SH3RF3: variants seen among roughly 807,000 people sequenced by gnomAD.
SH3RF3 encodes the protein E3 ubiquitin-protein ligase SH3RF3.
A neutral mutation model predicts 66.3 loss-of-function variants in SH3RF3; 29 were observed. That is an observed-to-expected ratio of 0.44 (90% CI 0.33 to 0.60). The LOEUF (loss-of-function observed/expected upper bound fraction) is 0.60, where lower values mean the gene tolerates loss of function less well. Among genes scored for constraint, SH3RF3 ranks in the 20% least tolerant of loss-of-function variants. The pLI is 0.04. For missense variants in SH3RF3, 1,194 were observed against 1,190.9 expected, an observed-to-expected ratio of 1.00 and a Z score of -0.04; for synonymous variants, 583 against 532.0, an observed-to-expected ratio of 1.10 and a Z score of -1.32.
At chr2:109,250,259 G>T (rs1362111591) in intron 1 of SH3RF3, among the ~76,000 whole-genome samples, 1 of 152,072 alleles carries the variant, frequency 6.6e-6, no homozygotes, top group Admixed American at 6.6e-5. Context: ...AGAATGTTTA[G>T]AACTTTGGAA....
At chr2:109,306,906 C>T (rs946798360) in intron 1 of SH3RF3, among the ~76,000 whole-genome samples, 4 of 152,140 alleles carry the variant, frequency 2.6e-5, no homozygotes, top group Admixed American at 6.5e-5. Context: ...GGTAGGGCCG[C>T]GGCATGCATG....
chr2:109,313,943 T>G (rs1681801881), intron 1 of SH3RF3, among the ~76,000 whole-genome samples: 1 of 152,114 alleles, frequency 6.6e-6, no homozygotes, highest in African/African-American at 2.4e-5. Context: ...GTGTTTGGAC[T>G]TTGTTTTGTA....
chr2:109,185,602 G>T (rs935454938), intron 1 of SH3RF3, among the ~76,000 whole-genome samples: 2 of 152,096 alleles, frequency 1.3e-5, no homozygotes, highest in Non-Finnish European at 2.9e-5. Flanking sequence ...TGCCTTTGGG[G>T]TTGGCAGAGA....
At chr2:109,496,461 A>T (rs1169448743) in intron 9 of SH3RF3, among the ~76,000 whole-genome samples, 1 of 152,248 alleles carries the variant, frequency 6.6e-6, no homozygotes, top group African/African-American at 2.4e-5. Flanking sequence ...CAGGAAGTCC[A>T]GCTGGCTTCA....
intron 3 of SH3RF3, among the ~76,000 whole-genome samples, 195 bp downstream of exon 3, chr2:109,371,876 A>C (rs920909406): frequency 6.6e-6 from 1 of 152,166 alleles, no homozygotes; most frequent in African/African-American, 2.4e-5. Context: ...TGCCTTGGCC[A>C]GTTTTGAGTG....
chr2:109,296,083 T>G (rs1159239079), intron 1 of SH3RF3, among the ~76,000 whole-genome samples: 2 of 152,102 alleles, frequency 1.3e-5, no homozygotes, highest in Admixed American at 6.5e-5. Context: ...CCAGCCAGGT[T>G]GGCCCCCCAG....
chr2:109,453,360 A>T (rs1430001202), intron 8 of SH3RF3, among the ~76,000 whole-genome samples: 1 of 152,238 alleles, frequency 6.6e-6, no homozygotes, highest in Non-Finnish European at 1.5e-5. Context: ...TCAGGATTTA[A>T]GTTATCCTTT....
At chr2:109,467,746 G>A (rs1056297833) in intron 8 of SH3RF3, among the ~76,000 whole-genome samples, 2 of 152,218 alleles carry the variant, frequency 1.3e-5, no homozygotes, top group African/African-American at 4.8e-5. Context: ...GCTCCTCTCT[G>A]ATTTAATCCC....
chr2:109,282,478 C>A (rs1370623739), intron 1 of SH3RF3, among the ~76,000 whole-genome samples: 1 of 152,124 alleles, frequency 6.6e-6, no homozygotes, highest in Non-Finnish European at 1.5e-5. Flanking sequence ...TGCAGGAAGG[C>A]CCGAGGGTCA....
intron 1 of SH3RF3, among the ~76,000 whole-genome samples, chr2:109,218,138 T>C (rs1170390207): frequency 7.3e-6 from 1 of 136,744 alleles, no homozygotes; most frequent in Admixed American, 7.5e-5. Flanking sequence ...CATTGTCCTC[T>C]CCTTTTCTGT....
In SH3RF3 at chr2:109,494,533, A is replaced by G. The variant is rs1297139486; in HGVS notation, c.2480+3597A>G. Reference sequence around the variant, plus strand: ...GAGCACTTGGACTTGGGCCCTGCAGACTTGTGAGTAAAACTTACTTCCAGG... The same window carrying G: ...GAGCACTTGGACTTGGGCCCTGCAGGCTTGTGAGTAAAACTTACTTCCAGG... On this transcript the variant is annotated intron_variant, in intron 9 of 9. Transcript: ENST00000309415. 9.9e-5 allele frequency among the ~76,000 whole-genome samples: 15 copies of G among 152,280 alleles called. No homozygotes were observed. The East Asian group carries it at 2.9e-3, about 30-fold the overall frequency.
chr2:109,196,017 C>T (rs374476982), intron 1 of SH3RF3, among the ~76,000 whole-genome samples: 7 of 152,354 alleles, frequency 4.6e-5, no homozygotes, highest in Middle Eastern at 3.4e-3. Flanking sequence ...CAAATCTGTA[C>T]GCACACCTGT....
Position 109,138,324 on chromosome 2 carries a change from G to A in SH3RF3, c.573+8211G>A, listed in dbSNP as rs1197132239. Among the ~76,000 whole-genome samples, 12 of 152,334 alleles carry A rather than the reference G, an allele frequency of 7.9e-5. No individual in the cohort carries two copies. The East Asian group carries it at 2.1e-3, about 27-fold the overall frequency. On this transcript the variant is annotated intron_variant, in intron 1 of 9. Transcript: ENST00000309415. ...TTACAGGTGTCAGCCACTTCGCCTGGCCTCTCAGATAGAAATTTCTAAAAA... is the reference window on the plus strand; with the variant it reads ...TTACAGGTGTCAGCCACTTCGCCTGACCTCTCAGATAGAAATTTCTAAAAA...
At chr2:109,456,077 C>T (rs1392817533) in intron 8 of SH3RF3, among the ~76,000 whole-genome samples, 3 of 152,358 alleles carry the variant, frequency 2.0e-5, no homozygotes, top group Middle Eastern at 6.8e-3. Context: ...CATCGCTGGG[C>T]TCCCAGGCCC....
At chr2:109,392,126 T>C (rs1354601812) in intron 3 of SH3RF3, among the ~76,000 whole-genome samples, 1 of 152,250 alleles carries the variant, frequency 6.6e-6, no homozygotes, top group African/African-American at 2.4e-5. Context: ...CAAAAAGGCC[T>C]GATTTTTAAA....
intron 1 of SH3RF3, 35 bp downstream of exon 1, chr2:109,130,148 CG>C: frequency 7.8e-7 from 1 of 1,276,462 alleles, no homozygotes; most frequent in Non-Finnish European, 9.9e-7. Context: ...GGCCACGGCA[CG>C]TGGGAGTGTG....
At chr2:109,460,324 A>G (rs1229900632) in intron 8 of SH3RF3, among the ~76,000 whole-genome samples, 2 of 152,202 alleles carry the variant, frequency 1.3e-5, no homozygotes, top group African/African-American at 2.4e-5. Flanking sequence ...AGGTGGTCCA[A>G]GGTAGTCACC....
At chr2:109,379,275 C>T (rs2104371283) in intron 3 of SH3RF3, among the ~76,000 whole-genome samples, 1 of 152,320 alleles carries the variant, frequency 6.6e-6, no homozygotes, top group South Asian at 2.1e-4. Flanking sequence ...TTCCCCAGGG[C>T]TCAATCTCTC....
chr2:109,137,683 A>T (rs908430365), intron 1 of SH3RF3, among the ~76,000 whole-genome samples: 4 of 152,254 alleles, frequency 2.6e-5, no homozygotes, highest in African/African-American at 9.6e-5. Flanking sequence ...AAGAGGAAAG[A>T]TGAGGGAGGC....
Sources: gnomAD v4.1 joint callset for allele counts (sites outside exome capture counted in the v4.1 genomes callset) on GRCh38, gnomAD v4.1.1 for gene constraint, MANE v1.5 for transcripts, NCBI Gene and HGNC (gene_info 2026-07-23, HGNC 2026-07-21) for gene names.